The following HPSE2 variants were observed in gnomAD, a reference collection of about 807,000 sequenced individuals.
HPSE2 encodes the protein inactive heparanase-2.
A neutral mutation model predicts 60.5 loss-of-function variants in HPSE2; 38 were observed. The ratio of observed to expected loss-of-function variants is 0.63; its 90% CI spans 0.48 to 0.82. HPSE2 has a LOEUF of 0.82. Ranked by LOEUF, HPSE2 falls within the 40% of genes least tolerant of loss-of-function variation. The probability of loss-of-function intolerance (pLI) is 0.00; values close to 1 mark genes in which losing one functional copy is unlikely to be tolerated. For missense variants in HPSE2, 713 were observed against 740.4 expected (o/e 0.96, Z 0.43); for synonymous variants, 295 against 293.2 (o/e 1.01, Z -0.06).
Position 98,611,604 on chromosome 10 carries a change from C to T in HPSE2, c.1320+3300G>A, listed in dbSNP as rs180684078. Among the ~76,000 whole-genome samples the T allele has an allele frequency of 3.3e-4, 51 of 152,266 alleles. 2 individuals are homozygous for T. In the South Asian group the frequency reaches 5.8e-3, roughly 17 times the overall value. ...CAACTCTCTGAAGTGGCAACCAGTA[C>T]GATTCCCAGGTCTGTCTCCATTACA... On this transcript the variant is annotated intron_variant, in intron 9 of 11. Coordinates refer to ENST00000370552, the MANE Select transcript of HPSE2 (RefSeq NM_021828.5).
intron 2 of HPSE2, among the ~76,000 whole-genome samples, chr10:99,219,127 C>T (rs1849229727): frequency 6.6e-6 from 1 of 152,198 alleles, no homozygotes; most frequent in Non-Finnish European, 1.5e-5. Flanking sequence ...GCAGACTCCT[C>T]CTCCCTCTCA....
intron 6 of HPSE2, among the ~76,000 whole-genome samples, chr10:98,682,735 C>G (rs573012246): frequency 6.6e-6 from 1 of 152,260 alleles, no homozygotes; most frequent in South Asian, 2.1e-4. Context: ...TAAGTTGGGA[C>G]CCATTTATAT....
intron 3 of HPSE2, among the ~76,000 whole-genome samples, chr10:98,868,772 G>C (rs915441717): frequency 6.6e-6 from 1 of 152,034 alleles, no homozygotes; most frequent in Non-Finnish European, 1.5e-5. Flanking sequence ...CAGTATCATA[G>C]AAATTTTGAT....
chr10:99,301,278 T>C, the HPSE2 span, among the ~76,000 whole-genome samples: 6 of 152,202 alleles, frequency 3.9e-5, no homozygotes, highest in Non-Finnish European at 7.3e-5. Context: ...AGTAAACTAA[T>C]GGGTCCCTCT....
At chr10:99,176,685 T>C (rs562258954) in intron 2 of HPSE2, among the ~76,000 whole-genome samples, 1 of 152,138 alleles carries the variant, frequency 6.6e-6, no homozygotes, top group African/African-American at 2.4e-5. Flanking sequence ...TGGAGCCAAG[T>C]TGGAAAAAAC....
chr10:98,918,001 C>T (rs1954170032), intron 3 of HPSE2, among the ~76,000 whole-genome samples: 1 of 152,100 alleles, frequency 6.6e-6, no homozygotes, highest in South Asian at 2.1e-4. Flanking sequence ...TAACTCAGGC[C>T]GTCAACTCTT....
chr10:98,564,728 T>C (rs1440374861), intron 9 of HPSE2, among the ~76,000 whole-genome samples: 1 of 152,234 alleles, frequency 6.6e-6, no homozygotes, highest in Non-Finnish European at 1.5e-5. Context: ...AGGGGGTTTA[T>C]AAATGAGTAC....
At chr10:98,983,677 G>A (rs1030097828) in intron 3 of HPSE2, among the ~76,000 whole-genome samples, 1 of 152,218 alleles carries the variant, frequency 6.6e-6, no homozygotes, top group Admixed American at 6.5e-5. Context: ...TTCGGCGTGA[G>A]CCAAAGCAGG....
chr10:99,193,701 A>C (rs576305153), intron 2 of HPSE2, among the ~76,000 whole-genome samples: 41 of 152,268 alleles, frequency 2.7e-4, no homozygotes, highest in African/African-American at 9.1e-4. Flanking sequence ...AGGTCATCAT[A>C]TAAGAATAAA....
the HPSE2 span, among the ~76,000 whole-genome samples, chr10:99,313,591 AATT>A: frequency 2.7e-3 from 177 of 66,016 alleles, 2 homozygotes; most frequent in African/African-American, 0.011. Flanking sequence ...GACTGACTCC[AATT>A]TTTTTTTTTT....
At chr10:98,834,659 A>G (rs1951753578) in intron 3 of HPSE2, among the ~76,000 whole-genome samples, 1 of 152,150 alleles carries the variant, frequency 6.6e-6, no homozygotes, top group African/African-American at 2.4e-5. Flanking sequence ...AGTGTAGTCT[A>G]AGAATCCTGG....
At chr10:98,479,100 A>G (rs2133634551) in intron 11 of HPSE2, among the ~76,000 whole-genome samples, 1 of 152,322 alleles carries the variant, frequency 6.6e-6, no homozygotes, top group South Asian at 2.1e-4. Flanking sequence ...TCCCAGGCCC[A>G]GTGGCAATTC....
At chr10:98,586,093 A>G (rs1472367317) in intron 9 of HPSE2, among the ~76,000 whole-genome samples, 1 of 152,202 alleles carries the variant, frequency 6.6e-6, no homozygotes, top group East Asian at 1.9e-4. Flanking sequence ...AGTAGACAAC[A>G]AAAAAGACAT....
At chr10:98,737,128 C>T (rs1196467207) in intron 4 of HPSE2, among the ~76,000 whole-genome samples, 1 of 152,112 alleles carries the variant, frequency 6.6e-6, no homozygotes, top group East Asian at 1.9e-4. Context: ...TCTGAAAATA[C>T]AGTTTTCTAA....
intron 3 of HPSE2, among the ~76,000 whole-genome samples, chr10:99,052,336 G>A (rs1194179432): frequency 1.3e-5 from 2 of 149,806 alleles, no homozygotes; most frequent in Non-Finnish European, 3.0e-5. Context: ...CCAAGAAAAG[G>A]TCACCAATTT....
At chr10:99,270,883 A>G in the HPSE2 span, among the ~76,000 whole-genome samples, 1 of 152,200 alleles carries the variant, frequency 6.6e-6, no homozygotes, top group Non-Finnish European at 1.5e-5. Context: ...AAAAACAAAA[A>G]TCACATTATC....
At chr10:99,102,414 CT>C (rs1217080256) in intron 3 of HPSE2, among the ~76,000 whole-genome samples, 1 of 152,134 alleles carries the variant, frequency 6.6e-6, no homozygotes, top group African/African-American at 2.4e-5. Context: ...CACATACACC[CT>C]CCCAAGACTA....
chr10:99,308,328 C>T, the HPSE2 span, among the ~76,000 whole-genome samples: 1 of 135,588 alleles, frequency 7.4e-6, no homozygotes. Context: ...TGCAGTGAGC[C>T]GAGATTGTGC....
At chr10:99,153,871 G>T (rs1454650989) in intron 2 of HPSE2, among the ~76,000 whole-genome samples, 1 of 151,212 alleles carries the variant, frequency 6.6e-6, no homozygotes, top group Non-Finnish European at 1.5e-5. Context: ...TTAGAAGAAT[G>T]TATAACTAGA....
Sources: allele counts gnomAD v4.1 joint callset (sites outside exome capture counted in the v4.1 genomes callset), GRCh38; gene constraint gnomAD v4.1.1; transcripts MANE v1.5; gene names NCBI Gene and HGNC (gene_info 2026-07-23, HGNC 2026-07-21).